PLXNA4: variants seen among roughly 807,000 people sequenced by gnomAD.
The protein encoded by PLXNA4 is plexin-A4.
A neutral mutation model predicts 191.8 loss-of-function variants in PLXNA4; 44 were observed. The observed-to-expected ratio is 0.23, with a 90% CI of 0.18 to 0.29. The LOEUF is 0.29. PLXNA4 is among the 10% of genes least tolerant of loss of function. The pLI, the probability that PLXNA4 is intolerant of heterozygous loss-of-function variation, is 1.00. For missense variants in PLXNA4, 1,800 were observed against 2,488.8 expected, an observed-to-expected ratio of 0.72 and a Z score of 5.89; for synonymous variants, 1,082 against 1,009.5, an observed-to-expected ratio of 1.07 and a Z score of -1.36.
chr7:132,365,057 C>G, intron 3 of PLXNA4, among the ~76,000 whole-genome samples: 1 of 152,168 alleles, frequency 6.6e-6, no homozygotes, highest in East Asian at 1.9e-4. Flanking sequence ...CTCGTGAATG[C>G]CCTTCCTACC....
intron 1 of PLXNA4, among the ~76,000 whole-genome samples, chr7:132,563,125 T>G (rs1359746932): frequency 8.4e-5 from 8 of 95,282 alleles, no homozygotes; most frequent in African/African-American, 2.8e-4. Context: ...CTCCTCCTTC[T>G]CCTCCTCCTC....
chr7:132,307,565 A>G (rs914424680), intron 3 of PLXNA4, among the ~76,000 whole-genome samples: 2 of 151,988 alleles, frequency 1.3e-5, no homozygotes, highest in Non-Finnish European at 2.9e-5. Context: ...TGAGGGAACC[A>G]GTTAGGGGCT....
At chr7:132,437,021 C>T (rs1302492195) in intron 3 of PLXNA4, among the ~76,000 whole-genome samples, 1 of 152,212 alleles carries the variant, frequency 6.6e-6, no homozygotes, top group East Asian at 1.9e-4. Context: ...TCGCCATATA[C>T]ACATGCCTTG....
intron 9 of PLXNA4, among the ~76,000 whole-genome samples, chr7:132,216,972 A>G (rs936948013): frequency 1.3e-5 from 2 of 152,222 alleles, no homozygotes; most frequent in African/African-American, 2.4e-5. Flanking sequence ...ATGCCAAAAG[A>G]ACCCAACTCC....
rs1796193847 is a variant in PLXNA4 at position 132,168,637 on chromosome 7, G to A, written c.4018-65C>T. On this transcript the variant is annotated intron_variant, in intron 21 of 31. Coordinates refer to ENST00000321063, the MANE Select transcript of PLXNA4 (RefSeq NM_020911.2). The stretch of plus-strand genomic sequence containing the variant: ...TGGGGAGCTCAGTGACCTCCCCACG[G>A]GATGGCTGTGCCCATATCCATGACC... 5.3e-6 allele frequency: 8 copies of A among 1,508,856 alleles called. No homozygotes were observed. The African/African-American group carries it at 5.5e-5, about 10-fold the overall frequency. The allele number at this position is 1,508,856 out of a possible 1,614,324, so 93.5% of individuals were successfully genotyped here.
intron 15 of PLXNA4, among the ~76,000 whole-genome samples, chr7:132,185,965 G>A (rs1024771977): frequency 6.6e-6 from 1 of 152,208 alleles, no homozygotes; most frequent in African/African-American, 2.4e-5. Context: ...CTTGACATCA[G>A]TTGCAATCGT....
intron 3 of PLXNA4, among the ~76,000 whole-genome samples, chr7:132,426,804 G>A (rs544166100): frequency 1.1e-4 from 17 of 152,164 alleles, no homozygotes; most frequent in Admixed American, 4.6e-4. Context: ...GCCCTCCAAA[G>A]GTCAACATTA....
At chr7:132,529,732 A>C (rs1799551612) in intron 1 of PLXNA4, among the ~76,000 whole-genome samples, 1 of 151,708 alleles carries the variant, frequency 6.6e-6, no homozygotes. Flanking sequence ...CAGCCTCCCA[A>C]GTAGCTGGGA....
intron 4 of PLXNA4, among the ~76,000 whole-genome samples, chr7:132,279,446 T>C (rs921454053): frequency 2.6e-5 from 4 of 152,014 alleles, no homozygotes; most frequent in African/African-American, 7.2e-5. Flanking sequence ...CTGGGCAACA[T>C]AGTGAGACCC....
intron 4 of PLXNA4, among the ~76,000 whole-genome samples, chr7:132,243,007 T>G (rs138386926): frequency 5.4e-4 from 83 of 152,340 alleles, no homozygotes; most frequent in Non-Finnish European, 9.4e-4. Flanking sequence ...TGAGTGGTAA[T>G]GAGGTCCACA....
intron 6 of PLXNA4, 57 bp from the exon 7 acceptor site, chr7:132,227,661 G>A: frequency 2.5e-6 from 4 of 1,603,620 alleles, no homozygotes; most frequent in Non-Finnish European, 3.4e-6. Flanking sequence ...AAAAGGACAG[G>A]TATGGAATAA....
intron 14 of PLXNA4, among the ~76,000 whole-genome samples, 191 bp from the exon 15 acceptor site, chr7:132,187,798 A>G (rs1796929058): frequency 6.6e-6 from 1 of 152,170 alleles, no homozygotes; most frequent in Admixed American, 6.5e-5. Flanking sequence ...GAGAGTTTGC[A>G]TGCCTATCTT....
chr7:132,208,735 G>A (rs927502272), intron 10 of PLXNA4, among the ~76,000 whole-genome samples: 2 of 152,162 alleles, frequency 1.3e-5, no homozygotes, highest in Non-Finnish European at 2.9e-5. Flanking sequence ...TTCAACACCC[G>A]ACAGACAGAC....
chr7:132,640,334 A>C (rs1803715312), intron 2 of PLXNA4, among the ~76,000 whole-genome samples: 1 of 152,208 alleles, frequency 6.6e-6, no homozygotes, highest in Non-Finnish European at 1.5e-5. Context: ...AAATAAATGC[A>C]TATAGCCATA....
Position 132,269,485 on chromosome 7 carries a change from G to A in PLXNA4, c.1504-28319C>T, listed in dbSNP as rs577133135. Among the ~76,000 whole-genome samples the A allele has an allele frequency of 5.9e-5, 9 of 152,066 alleles. No individual in the cohort carries two copies. In the East Asian group the frequency reaches 1.4e-3, roughly 23 times the overall value. The stretch of plus-strand genomic sequence containing the variant: ...GATGCTGCTCATGATGCCTAGAGTG[G>A]CATGGGACACCACATCAGCTCTCTT... On this transcript the variant is annotated intron_variant, in intron 4 of 31. Coordinates refer to ENST00000321063, the MANE Select transcript of PLXNA4 (RefSeq NM_020911.2).
chr7:132,304,158 G>C (rs1273329887), intron 3 of PLXNA4, among the ~76,000 whole-genome samples: 6 of 152,150 alleles, frequency 3.9e-5, no homozygotes, highest in Non-Finnish European at 7.4e-5. Flanking sequence ...CTGAGAGAAG[G>C]GTTAGAGTAA....
chr7:132,637,291 C>T (rs1803628411), intron 2 of PLXNA4, among the ~76,000 whole-genome samples: 1 of 152,108 alleles, frequency 6.6e-6, no homozygotes, highest in African/African-American at 2.4e-5. Context: ...ACGTGATGGC[C>T]CTGTCCAAGC....
chr7:132,403,807 G>A (rs965147561), intron 3 of PLXNA4, among the ~76,000 whole-genome samples: 1 of 152,140 alleles, frequency 6.6e-6, no homozygotes, highest in Non-Finnish European at 1.5e-5. Flanking sequence ...GACAGGACCT[G>A]AGGGATCAGG....
intron 3 of PLXNA4, among the ~76,000 whole-genome samples, chr7:132,410,513 G>C (rs940899776): frequency 2.6e-5 from 4 of 152,202 alleles, no homozygotes; most frequent in African/African-American, 9.7e-5. Flanking sequence ...GTCCCAACGG[G>C]CAGTGAGGAG....
Sources: gnomAD v4.1 joint callset for allele counts (sites outside exome capture counted in the v4.1 genomes callset) on GRCh38, gnomAD v4.1.1 for gene constraint, MANE v1.5 for transcripts, NCBI Gene and HGNC (gene_info 2026-07-23, HGNC 2026-07-21) for gene names.